The following GLI2 variants were observed in gnomAD, a reference collection of about 807,000 sequenced individuals.
GLI2 encodes GLI family zinc finger 2, also known as transcription activator GLI2.
In GLI2, 22 loss-of-function variants were observed where a neutral mutation model predicts 78.9. The observed-to-expected ratio is 0.28, with a 90% CI of 0.20 to 0.40. The LOEUF is 0.40. Among genes scored for constraint, GLI2 ranks in the 10% least tolerant of loss-of-function variants. GLI2 has a pLI of 1.00. For synonymous variants in GLI2, 974 were observed against 963.7 expected (o/e 1.01, Z -0.20); for missense variants, 2,097 against 2,213.2 (o/e 0.95, Z 1.05).
At chr2:120,963,396 G>T (rs1006997629) in intron 5 of GLI2, among the ~76,000 whole-genome samples, 1 of 152,240 alleles carries the variant, frequency 6.6e-6, no homozygotes, top group Non-Finnish European at 1.5e-5. Context: ...AAAGTGACAG[G>T]CTTGACAGGG....
intron 13 of GLI2, 52 bp downstream of exon 13, chr2:120,986,666 C>T (rs1390795672): frequency 6.9e-7 from 1 of 1,452,742 alleles, no homozygotes; most frequent in East Asian, 2.3e-5. Flanking sequence ...TCTGGGGCAG[C>T]ACCAACTAGG....
chr2:120,927,603 A>T lies in GLI2; in HGVS notation c.254+137A>T, dbSNP rs913944358. The T allele has an allele frequency of 3.2e-5, 24 of 743,550 alleles. No homozygotes were observed. In the African/African-American group the frequency reaches 3.8e-4, roughly 12 times the overall value. The allele number at this position is 743,550 out of a possible 1,614,324, so 46.1% of individuals were successfully genotyped here. On this transcript the variant is annotated intron_variant, in intron 3 of 13. Coordinates refer to ENST00000361492, the MANE Select transcript of GLI2 (RefSeq NM_001374353.1). Reference sequence around the variant, plus strand: ...TGATCTACATTGTCCTGAGCGGGCGATCACCTTTGCTATCATGGCCTGGGA... The same window carrying T: ...TGATCTACATTGTCCTGAGCGGGCGTTCACCTTTGCTATCATGGCCTGGGA...
chr2:120,797,172 A>G (rs1684433752), intron 1 of GLI2, 119 bp from the exon 2 acceptor site: 1 of 760,346 alleles, frequency 1.3e-6, no homozygotes, highest in Admixed American at 2.0e-5. Flanking sequence ...CTTCCCAATT[A>G]TAAGAGAATT....
Position 120,990,424 on chromosome 2 carries a change from C to T in GLI2, c.4459C>T (p.Leu1487Phe), listed in dbSNP as rs763917549. Residue 1487 changes from leucine to phenylalanine, a missense_variant, in exon 14 of 14, where the codon CTC becomes TTC. Leu to Phe is a conservative substitution (Grantham distance 22). This residue lies in a region of GLI2 where 1,290 missense variants were observed against 1,261.7 expected (regional missense o/e 1.02). Coordinates refer to ENST00000361492, the MANE Select transcript of GLI2 (RefSeq NM_001374353.1). ...GGTGTCCAGCACTGTGGACTCCCAG[C>T]TCCTGGAGGCCCCCCAGATTGACTT... ...NQVSSTVDSQ[L>F]LEAPQIDFDA... 59 of 1,614,088 alleles carry T rather than the reference C, an allele frequency of 3.7e-5. No homozygotes were observed. The highest frequency in any genetic ancestry group is 4.3e-5 in the Non-Finnish European group (51 of 1,180,000).
chr2:120,754,585 A>AC (rs1200447704), intron 1 of GLI2, among the ~76,000 whole-genome samples: 1 of 152,158 alleles, frequency 6.6e-6, no homozygotes. Flanking sequence ...ATGTTGCTGC[A>AC]CGTATCAATA....
intron 1 of GLI2, among the ~76,000 whole-genome samples, chr2:120,741,880 C>T (rs924239382): frequency 2.0e-5 from 3 of 152,138 alleles, no homozygotes; most frequent in Admixed American, 1.3e-4. Flanking sequence ...GGACTCTGCT[C>T]GTGGCGAGTC....
At chr2:120,777,966 T>TG (rs1573368634) in intron 1 of GLI2, among the ~76,000 whole-genome samples, 1 of 151,998 alleles carries the variant, frequency 6.6e-6, no homozygotes, top group African/African-American at 2.4e-5. Flanking sequence ...TGGGAGGCCA[T>TG]GGGGGGCAGG....
In GLI2 at chr2:120,943,999, C is replaced by T. The variant is rs553230592; in HGVS notation, c.255-7244C>T. 1.1e-4 allele frequency among the ~76,000 whole-genome samples: 17 copies of T among 152,304 alleles called. No individual in the cohort carries two copies. The East Asian group carries it at 3.3e-3, about 29-fold the overall frequency. ...GATGCCCTCCTTTCTCCTCCCCAGC[C>T]CTCAAAGTCTTACTTGTTTCTCAGG... On this transcript the variant is annotated intron_variant, in intron 3 of 13. Coordinates refer to ENST00000361492, the MANE Select transcript of GLI2 (RefSeq NM_001374353.1).
rs1044620387 is a variant in GLI2, at chr2:120,884,460, C to T, written c.149-42901C>T. On this transcript the variant is annotated intron_variant, in intron 2 of 13. Transcript: ENST00000361492. ...CCTCCCTGGCCCCATTCAGCAGACT[C>T]GGAGGAAGGACATTGCCCAGCATTG... Among the ~76,000 whole-genome samples the T allele has an allele frequency of 3.3e-5, 5 of 152,264 alleles. No individual in the cohort carries two copies. In the East Asian group the frequency reaches 9.7e-4, roughly 29 times the overall value.
chr2:120,787,706 C>G (rs943429195), intron 1 of GLI2, among the ~76,000 whole-genome samples: 1 of 152,216 alleles, frequency 6.6e-6, no homozygotes, highest in Non-Finnish European at 1.5e-5. Context: ...ACAGTGGGCC[C>G]CTTGTTCCCC....
At chr2:120,760,961 C>T (rs767356047) in intron 1 of GLI2, among the ~76,000 whole-genome samples, 1 of 152,118 alleles carries the variant, frequency 6.6e-6, no homozygotes, top group Non-Finnish European at 1.5e-5. Flanking sequence ...CTGAGGTGGG[C>T]CTTGTCCTGC....
intron 2 of GLI2, among the ~76,000 whole-genome samples, chr2:120,923,251 A>AAC (rs1679477052): frequency 6.9e-5 from 1 of 14,504 alleles, no homozygotes; most frequent in Non-Finnish European, 1.9e-4. Flanking sequence ...CACACACAAC[A>AAC]GCACACACAT....
rs141008321 is a variant in GLI2 at position 120,951,544 on chromosome 2, C to T, written c.457+99C>T. 11,311 of 751,636 alleles carry T rather than the reference C, an allele frequency of 0.015. 131 individuals are homozygous for T. The highest frequency in any genetic ancestry group is 0.019 in the Non-Finnish European group (8,542 of 451,270). 46.6% of individuals were successfully genotyped at this position (751,636 alleles called of 1,614,324 possible). On this transcript the variant is annotated intron_variant, in intron 4 of 13. Transcript: ENST00000361492. ...ACACTGTCAACTCCTCAGCCTTGGT[C>T]CCCTTGAATGGTGACCAGGCTGGCT...
intron 2 of GLI2, among the ~76,000 whole-genome samples, chr2:120,907,501 G>A (rs1270632383): frequency 2.0e-5 from 3 of 152,200 alleles, no homozygotes; most frequent in Non-Finnish European, 2.9e-5. Context: ...ACCATGGGGA[G>A]TGCGTTTTCT....
intron 2 of GLI2, among the ~76,000 whole-genome samples, chr2:120,905,318 G>A (rs1172877622): frequency 6.6e-6 from 1 of 152,272 alleles, no homozygotes; most frequent in African/African-American, 2.4e-5. Context: ...GCATCAGTGG[G>A]GGTGCCTGTC....
chr2:120,972,517 A>G, intron 8 of GLI2: 3 of 443,058 alleles, frequency 6.8e-6, no homozygotes, highest in Non-Finnish European at 9.1e-6. Context: ...GGGTGATAGG[A>G]CTGAGCTCCA....
intron 3 of GLI2, among the ~76,000 whole-genome samples, chr2:120,930,182 C>T (rs183328382): frequency 2.8e-4 from 43 of 152,298 alleles, no homozygotes; most frequent in African/African-American, 1.0e-3. Context: ...TCCCTATACA[C>T]CTGAAGTGTG....
chr2:120,984,354 C>A, intron 11 of GLI2, 117 bp from the exon 12 acceptor site: 1 of 1,051,454 alleles, frequency 9.5e-7, no homozygotes, highest in Non-Finnish European at 1.5e-6. Flanking sequence ...CACCTACTGA[C>A]GTTGCCAGCT....
At chr2:120,780,514 G>C (rs1466240054) in intron 1 of GLI2, among the ~76,000 whole-genome samples, 2 of 152,222 alleles carry the variant, frequency 1.3e-5, no homozygotes, top group Non-Finnish European at 2.9e-5. Context: ...GCAGCGTGGG[G>C]TGTGTCGTTT....
Sources: gnomAD v4.1 joint callset for allele counts (sites outside exome capture counted in the v4.1 genomes callset) on GRCh38, gnomAD v4.1.1 for gene constraint, gnomAD v4.1.1 regional missense constraint, MANE v1.5 for transcripts, NCBI Gene and HGNC (gene_info 2026-07-23, HGNC 2026-07-21) for gene names.